The following PREX1 variants were observed in gnomAD, a reference collection of about 807,000 sequenced individuals.
PREX1 encodes phosphatidylinositol 3,4,5-trisphosphate-dependent Rac exchanger 1 protein.
PREX1 carries 41 observed loss-of-function variants against 198.3 expected under a neutral mutation model. The ratio of observed to expected loss-of-function variants is 0.21; its 90% confidence interval spans 0.16 to 0.27. PREX1 has a LOEUF of 0.27. Among genes scored for constraint, PREX1 ranks in the 10% least tolerant of loss-of-function variants. The pLI, the probability that PREX1 is intolerant of heterozygous loss-of-function variation, is 1.00. For missense variants in PREX1, 1,620 were observed against 2,200.7 expected (o/e 0.74, Z 5.28); for synonymous variants, 843 against 887.2 (o/e 0.95, Z 0.89).
intron 10 of PREX1, among the ~76,000 whole-genome samples, chr20:48,682,330 G>A (rs1291144986): frequency 2.6e-5 from 4 of 152,008 alleles, no homozygotes; most frequent in Non-Finnish European, 5.9e-5. Flanking sequence ...AATGGTCCCC[G>A]ACCCCTATCC....
the PREX1 span, among the ~76,000 whole-genome samples, chr20:48,888,128 A>T: frequency 6.6e-6 from 1 of 152,176 alleles, no homozygotes; most frequent in Non-Finnish European, 1.5e-5. Flanking sequence ...AATTTCTCAG[A>T]ATCATTGTGC....
At chr20:48,883,215 T>C in the PREX1 span, among the ~76,000 whole-genome samples, 7 of 152,026 alleles carry the variant, frequency 4.6e-5, no homozygotes, top group African/African-American at 1.5e-4. Context: ...ATTACAGGCA[T>C]GAGACACCGT....
intron 10 of PREX1, among the ~76,000 whole-genome samples, chr20:48,687,001 G>A (rs966277571): frequency 2.0e-5 from 3 of 152,070 alleles, no homozygotes; most frequent in Non-Finnish European, 4.4e-5. Context: ...CCTCCCCTTG[G>A]CTTCCGGAGG....
At chr20:48,656,828 C>T (rs1442047816) in intron 18 of PREX1, among the ~76,000 whole-genome samples, 1 of 152,218 alleles carries the variant, frequency 6.6e-6, no homozygotes, top group Non-Finnish European at 1.5e-5. Flanking sequence ...TGCATCCCCA[C>T]GTGGCTGGAT....
At chr20:48,837,308 A>G in the PREX1 span, among the ~76,000 whole-genome samples, 1 of 152,260 alleles carries the variant, frequency 6.6e-6, no homozygotes, top group Non-Finnish European at 1.5e-5. Context: ...AGACCCAGCA[A>G]TGCTGTTACT....
intron 3 of PREX1, among the ~76,000 whole-genome samples, chr20:48,738,547 A>G (rs2090067080): frequency 6.6e-6 from 1 of 152,198 alleles, no homozygotes; most frequent in South Asian, 2.1e-4. Context: ...GCTGCTCTTG[A>G]CAGCTCAGAG....
intron 37 of PREX1, 41 bp from the exon 38 acceptor site, chr20:48,628,004 G>C (rs752103192): frequency 2.0e-5 from 20 of 1,006,602 alleles, no homozygotes; most frequent in Non-Finnish European, 2.7e-5. Context: ...GCGGTGGGGG[G>C]ACAGGGGTCG....
At chr20:48,792,631 T>A (rs1369770161) in intron 1 of PREX1, among the ~76,000 whole-genome samples, 1 of 152,088 alleles carries the variant, frequency 6.6e-6, no homozygotes, top group East Asian at 1.9e-4. Flanking sequence ...CAAAAACTTG[T>A]ACACTCATGT....
intron 30 of PREX1, among the ~76,000 whole-genome samples, chr20:48,638,476 A>C (rs1371289011): frequency 1.3e-5 from 2 of 152,224 alleles, no homozygotes; most frequent in Non-Finnish European, 1.5e-5. Flanking sequence ...CTTAAAAAAG[A>C]TGCTCCTCGG....
rs1440183681 is a variant in PREX1 at position 48,658,314 on chromosome 20, C to T, written c.1882-86G>A. The T allele has an allele frequency of 2.9e-6, 4 of 1,363,498 alleles. No homozygotes were observed. The Admixed American group carries it at 7.7e-5, about 26-fold the overall frequency. The allele number at this position is 1,363,498 out of a possible 1,614,324, so 84.5% of individuals were successfully genotyped here. A position where few individuals can be genotyped will look rare whatever the true frequency, so the allele number is the denominator to read the frequency against. On this transcript the variant is annotated intron_variant, in intron 16 of 39. Transcript: ENST00000371941. ...ACCGTGGCCCCCACAGGACCATGACCTCGTCCCAGGTCTAGTAGGGAAGTG... is the reference window on the plus strand; with the variant it reads ...ACCGTGGCCCCCACAGGACCATGACTTCGTCCCAGGTCTAGTAGGGAAGTG...
the PREX1 span, among the ~76,000 whole-genome samples, chr20:48,849,215 A>G: frequency 6.6e-6 from 1 of 152,218 alleles, no homozygotes; most frequent in South Asian, 2.1e-4. Flanking sequence ...TTAACATGTC[A>G]GAGTATTCCT....
chr20:48,721,374 A>G (rs1025585115), intron 5 of PREX1, among the ~76,000 whole-genome samples: 2 of 152,222 alleles, frequency 1.3e-5, no homozygotes, highest in African/African-American at 4.8e-5. Context: ...CCTCTATCGC[A>G]GAGGTGGCCA....
rs763605293 is a variant in PREX1, at chr20:48,645,940, A to G, written c.3423T>C (p.His1141=). 6.2e-7 allele frequency: 1 copy of G among 1,614,020 alleles called. No homozygotes were observed. The highest frequency in any genetic ancestry group is 1.1e-5 in the South Asian group (1 of 91,064). ...TGAAGCACACCTTCTTGATGCCCCC[A>G]TGGTCACTCCTGTCCATCTCGCTCT... The part of the protein sequence containing the change: ...SEESEMDRSD[H]GGIKKVCFKV... Residue 1141 remains histidine (H), a synonymous_variant, in exon 26 of 40, where the codon CAT becomes CAC. Coordinates refer to ENST00000371941, the MANE Select transcript of PREX1 (RefSeq NM_020820.4).
chr20:48,645,015 G>C (rs1381932183), intron 26 of PREX1, among the ~76,000 whole-genome samples: 1 of 152,230 alleles, frequency 6.6e-6, no homozygotes, highest in Non-Finnish European at 1.5e-5. Context: ...AAAAATGTAA[G>C]AATGAAATCC....
At chr20:48,803,283 G>A (rs1352741997) in intron 1 of PREX1, among the ~76,000 whole-genome samples, 1 of 152,070 alleles carries the variant, frequency 6.6e-6, no homozygotes, top group Non-Finnish European at 1.5e-5. Flanking sequence ...GCCCATCCAG[G>A]GACCCCAAGC....
chr20:48,860,944 A>G, the PREX1 span, among the ~76,000 whole-genome samples: 16 of 152,148 alleles, frequency 1.1e-4, no homozygotes, highest in Admixed American at 1.0e-3. Context: ...CATCCTGGTC[A>G]ACATAGTCAA....
chr20:48,629,690 C>A, intron 36 of PREX1, 69 bp from the exon 37 acceptor site: 2 of 1,500,866 alleles, frequency 1.3e-6, no homozygotes, highest in Non-Finnish European at 9.2e-7. Flanking sequence ...CCCCATCTGG[C>A]CCTCCTCCCC....
Position 48,638,100 on chromosome 20 carries a change from TAC to T in PREX1, c.3905-350_3905-349del, listed in dbSNP as rs201276665. Among the ~76,000 whole-genome samples, 1,181 of 152,048 alleles carry T rather than the reference TAC, an allele frequency of 7.8e-3. 12 individuals are homozygous for T. The highest frequency in any genetic ancestry group is 0.027 in the African/African-American group (1,118 of 41,470). On this transcript the variant is annotated intron_variant, in intron 30 of 39. Transcript: ENST00000371941. ...TACAACCTAGATACACACGTATCCATACACACACACACTCACACATCAACAGA... is the reference window on the plus strand; with the variant it reads ...TACAACCTAGATACACACGTATCCATACACACACACTCACACATCAACAGA...
chr20:48,874,248 A>T, the PREX1 span, among the ~76,000 whole-genome samples: 1,939 of 152,206 alleles, frequency 0.013, 40 homozygotes, highest in African/African-American at 0.044. Flanking sequence ...CGAACCCACG[A>T]CTTTCCAAAA....
Sources: allele counts gnomAD v4.1 joint callset (sites outside exome capture counted in the v4.1 genomes callset), GRCh38; gene constraint gnomAD v4.1.1; transcripts MANE v1.5; gene names NCBI Gene and HGNC (gene_info 2026-07-23, HGNC 2026-07-21).